Variants in KDM5A observed in about 807,000 individuals in gnomAD.
The protein encoded by KDM5A is lysine demethylase 5A, also known as lysine-specific demethylase 5A.
A neutral mutation model predicts 193.5 loss-of-function variants in KDM5A; 42 were observed. The ratio of observed to expected loss-of-function variants is 0.22; its 90% CI spans 0.17 to 0.28. The LOEUF (loss-of-function observed/expected upper bound fraction) is 0.28, where lower values mean the gene tolerates loss of function less well. KDM5A is among the 10% of genes least tolerant of loss of function. The pLI is 1.00. For synonymous variants in KDM5A, 796 were observed against 718.1 expected (o/e 1.11, Z -1.73); for missense variants, 1,692 against 2,055.1 (o/e 0.82, Z 3.42).
chr12:358,747 G>T (rs571497081), intron 5 of KDM5A, among the ~76,000 whole-genome samples: 10 of 152,260 alleles, frequency 6.6e-5, no homozygotes, highest in African/African-American at 2.4e-4. Context: ...GCTGAGGCGG[G>T]TGGATCACAA....
rs1466382071 is a variant in KDM5A at position 282,456 on chromosome 12, A to C, written c.*3000T>G. The C allele has an allele frequency of 8.6e-6, 2 of 233,032 alleles. No individual in the cohort carries two copies. Among genetic ancestry groups the C allele is most frequent in the Non-Finnish European group, 1.7e-5 (2 of 118,008 alleles). The allele number at this position is 233,032 out of a possible 1,614,324, so 14.4% of individuals were successfully genotyped here. A position where few individuals can be genotyped will look rare whatever the true frequency, so the allele number is the denominator to read the frequency against. ...TGTGCAGCAGCTTAGTGAGGAAGTC[A>C]TGCATCTACACATCAACATGGCTTT... On this transcript the variant is annotated 3_prime_UTR_variant, in exon 28 of 28. Coordinates refer to ENST00000399788, the MANE Select transcript of KDM5A (RefSeq NM_001042603.3).
At chr12:316,928 T>C (rs1943657583) in intron 19 of KDM5A, among the ~76,000 whole-genome samples, 1 of 152,322 alleles carries the variant, frequency 6.6e-6, no homozygotes, top group Admixed American at 6.5e-5. Flanking sequence ...GAAGATACTT[T>C]AAATTTCAGT....
chr12:386,091 GTCT>G, intron 1 of KDM5A, 117 bp from the exon 2 acceptor site: 1 of 726,354 alleles, frequency 1.4e-6, no homozygotes, highest in Non-Finnish European at 2.4e-6. Flanking sequence ...TAACTTACAA[GTCT>G]TCTTTATTAT....
At position 334,522 on chromosome 12, in the gene KDM5A, A is replaced by G. The variant is rs561144520; in HGVS notation, c.1309-100T>C. ...CCCAGAAAATTTTTTTATAATATTT[A>G]TAATAGTCTAGTGCATACAATCTGT... is the stretch of plus-strand genomic sequence containing the variant. On this transcript the variant is annotated intron_variant, in intron 10 of 27. Transcript: ENST00000399788. 11 of 862,964 alleles carry G rather than the reference A, an allele frequency of 1.3e-5. No individual in the cohort carries two copies. The East Asian group carries it at 1.6e-4, about 12-fold the overall frequency. The allele number at this position is 862,964 out of a possible 1,614,324, so 53.5% of individuals were successfully genotyped here.
At chr12:376,827 C>CA (rs751608880) in intron 3 of KDM5A, among the ~76,000 whole-genome samples, 7 of 152,158 alleles carry the variant, frequency 4.6e-5, no homozygotes, top group Non-Finnish European at 8.8e-5. Flanking sequence ...GGCATCCTCT[C>CA]AAGAGGTCAA....
chr12:380,699 G>A (rs1432698443), intron 3 of KDM5A, among the ~76,000 whole-genome samples: 1 of 151,880 alleles, frequency 6.6e-6, no homozygotes, highest in Non-Finnish European at 1.5e-5. Flanking sequence ...CTCCAGTCTG[G>A]GCAAAAGAGT....
In KDM5A at chr12:366,071, T is replaced by C; in HGVS notation, c.400A>G (p.Thr134Ala). The C allele has an allele frequency of 1.9e-6, 3 of 1,614,142 alleles. No homozygotes were observed. The highest frequency in any genetic ancestry group is 2.5e-6 in the Non-Finnish European group (3 of 1,180,008). ...ACTTTAGACCATTTCTTCTCTTTGGTGACCATTTCAAAACCTCCTTTGCTG... is the reference window on the plus strand; with the variant it reads ...ACTTTAGACCATTTCTTCTCTTTGGCGACCATTTCAAAACCTCCTTTGCTG... ...VASKGGFEMV[T>A]KEKKWSKVGS... The change falls in exon 4 of 28, where the codon ACC becomes GCC. Residue 134 changes from threonine to alanine, a missense_variant. Thr to Ala is a moderately conservative substitution (Grantham distance 58, BLOSUM62 0). Transcript: ENST00000399788.
intron 11 of KDM5A, among the ~76,000 whole-genome samples, chr12:333,971 C>A (rs1056410539): frequency 1.3e-5 from 2 of 152,154 alleles, no homozygotes; most frequent in African/African-American, 4.8e-5. Flanking sequence ...CCAAAGGATG[C>A]TGACACATGA....
In KDM5A at chr12:318,428, G is replaced by T. The variant is rs756567348; in HGVS notation, c.2575C>A (p.Arg859Ser). The change falls in exon 19 of 28, where the codon CGT becomes AGT. Residue 859 changes from arginine (R) to serine (S), a missense_variant. This residue lies in a region of KDM5A where 965 missense variants were observed against 1,061.0 expected (regional missense o/e 0.91). Coordinates refer to ENST00000399788, the MANE Select transcript of KDM5A (RefSeq NM_001042603.3). The part of the protein sequence containing the change: ...LLDDVEEFHE[R>S]AQEAMMDETP... Reference sequence around the variant, plus strand: ...TCATCCATCATGGCCTCCTGAGCACGTTCATGAAACTCTTCCACATCATCT... The same window carrying T: ...TCATCCATCATGGCCTCCTGAGCACTTTCATGAAACTCTTCCACATCATCT... 3 of 1,613,776 alleles carry T rather than the reference G, an allele frequency of 1.9e-6. No homozygotes were observed. In the South Asian group the frequency reaches 3.3e-5, roughly 18 times the overall value.
intron 26 of KDM5A, among the ~76,000 whole-genome samples, chr12:295,082 T>C (rs1313249100): frequency 1.3e-5 from 2 of 152,062 alleles, no homozygotes; most frequent in Admixed American, 1.3e-4. Context: ...ATAATGGGAG[T>C]CTGGGCTACA....
chr12:375,882 C>T (rs1236206157), intron 3 of KDM5A, among the ~76,000 whole-genome samples: 4 of 152,226 alleles, frequency 2.6e-5, no homozygotes, highest in African/African-American at 9.6e-5. Context: ...GCAGCGGAGG[C>T]TGTAGAACAG....
rs76012198 is a variant in KDM5A, at chr12:326,248, A to G, written c.1969-2467T>C. The stretch of plus-strand genomic sequence containing the variant: ...TGAGTGGCTGGACACAGCCTCTTTC[A>G]CAGTGATAGTAATTCCTGTGTGTAA... On this transcript the variant is annotated intron_variant, in intron 14 of 27. Coordinates refer to ENST00000399788, the MANE Select transcript of KDM5A (RefSeq NM_001042603.3). 2.8e-3 allele frequency among the ~76,000 whole-genome samples: 426 copies of G among 152,368 alleles called. 12 individuals carry two copies. In the East Asian group the frequency reaches 0.065, roughly 23 times the overall value.
chr12:378,036 G>A lies in KDM5A; in HGVS notation c.366+5995C>T, dbSNP rs117856444. Among the ~76,000 whole-genome samples, 1,439 of 152,196 alleles carry A rather than the reference G, an allele frequency of 9.5e-3. 19 individuals are homozygous for A. The highest frequency in any genetic ancestry group is 0.014 in the Non-Finnish European group (959 of 68,012). On this transcript the variant is annotated intron_variant, in intron 3 of 27. Transcript: ENST00000399788. ...TGTAACTACACTAGAAGGGGATGAC[G>A]GACATAAAGTATGGGAGGATTTACA...
chr12:378,803 CA>C (rs1478309622), intron 3 of KDM5A, among the ~76,000 whole-genome samples: 2 of 151,822 alleles, frequency 1.3e-5, no homozygotes, highest in Non-Finnish European at 2.9e-5. Flanking sequence ...CTAAAAAATA[CA>C]AAAAATTAGC....
chr12:377,297 G>A (rs1222963097), intron 3 of KDM5A, among the ~76,000 whole-genome samples: 4 of 151,966 alleles, frequency 2.6e-5, no homozygotes, highest in African/African-American at 9.6e-5. Context: ...GAGTCAAAAA[G>A]AAGAGAAAAA....
chr12:359,955 C>T (rs868280488), intron 5 of KDM5A, among the ~76,000 whole-genome samples: 6 of 152,042 alleles, frequency 3.9e-5, no homozygotes, highest in African/African-American at 1.4e-4. Flanking sequence ...CACATGTATA[C>T]ATACACACAC....
chr12:333,379 G>A (rs1243241289), intron 12 of KDM5A, 108 bp downstream of exon 12: 21 of 1,206,498 alleles, frequency 1.7e-5, no homozygotes, highest in African/African-American at 3.0e-5. Flanking sequence ...TCATCGTGCC[G>A]CTGCACTCCA....
chr12:296,351 TC>T (rs1943373457), intron 25 of KDM5A, among the ~76,000 whole-genome samples: 2 of 151,246 alleles, frequency 1.3e-5, no homozygotes, highest in Non-Finnish European at 2.9e-5. Context: ...TGGTTCTTTA[TC>T]CTGAACATTA....
In KDM5A at chr12:290,717, GAA is replaced by G. The variant is rs3216507; in HGVS notation, c.4866+2040_4866+2041del. 2.0e-3 allele frequency among the ~76,000 whole-genome samples: 301 copies of G among 147,494 alleles called. 1 individual carries two copies. The highest frequency in any genetic ancestry group is 6.8e-3 in the African/African-American group (277 of 40,516). On this transcript the variant is annotated intron_variant, in intron 27 of 27. Transcript: ENST00000399788. The stretch of plus-strand genomic sequence containing the variant: ...TTAATTTGACAATTTCATAGCAAAT[GAA>G]AAAAAAAACGGCCTAAGTGTTTATA...
Sources: gnomAD v4.1 joint callset for allele counts (sites outside exome capture counted in the v4.1 genomes callset) on GRCh38, gnomAD v4.1.1 for gene constraint, gnomAD v4.1.1 regional missense constraint, MANE v1.5 for transcripts, NCBI Gene and HGNC (gene_info 2026-07-23, HGNC 2026-07-21) for gene names.